LRRC4C: variants seen among roughly 807,000 people sequenced by gnomAD.
The protein encoded by LRRC4C is leucine rich repeat containing 4C.
In LRRC4C, 5 loss-of-function variants were observed where a neutral mutation model predicts 33.6. That is an observed-to-expected ratio of 0.15 (90% CI 0.08 to 0.31). LRRC4C has a LOEUF of 0.31. Ranked by LOEUF, LRRC4C falls within the 10% of genes least tolerant of loss-of-function variation. The probability of loss-of-function intolerance (pLI) is 1.00; values close to 1 mark genes in which losing one functional copy is unlikely to be tolerated. For synonymous variants in LRRC4C, 329 were observed against 302.0 expected (o/e 1.09, Z -0.93); for missense variants, 560 against 796.7 (o/e 0.70, Z 3.58).
chr11:41,424,658 A>T (rs1431191394), intron 1 of LRRC4C, among the ~76,000 whole-genome samples: 2 of 152,068 alleles, frequency 1.3e-5, no homozygotes, highest in African/African-American at 4.8e-5. Flanking sequence ...ATTTGACAGA[A>T]GATACCAATT....
intron 1 of LRRC4C, among the ~76,000 whole-genome samples, chr11:41,356,587 A>T (rs978274869): frequency 1.3e-5 from 2 of 152,100 alleles, no homozygotes; most frequent in Non-Finnish European, 2.9e-5. Context: ...TTCTAGTGCC[A>T]TTTTTGGCAT....
In LRRC4C at chr11:40,118,282, C is replaced by A. The variant is rs557884163; in HGVS notation, c.-42-1948G>T. Among the ~76,000 whole-genome samples, 220 of 150,042 alleles carry A rather than the reference C, an allele frequency of 1.5e-3. 1 individual carries two copies. Among genetic ancestry groups the A allele is most frequent in the African/African-American group, 5.0e-3 (207 of 41,114 alleles). On this transcript the variant is annotated intron_variant, in intron 6 of 6. Transcript: ENST00000528697. Reference sequence around the variant, plus strand: ...ATAAAATATTTTATTATAAAATAATCATATCTAACATTTATTGAGTTCTGA... The same window carrying A: ...ATAAAATATTTTATTATAAAATAATAATATCTAACATTTATTGAGTTCTGA...
intron 3 of LRRC4C, among the ~76,000 whole-genome samples, chr11:40,503,062 C>T (rs938398571): frequency 6.6e-6 from 1 of 152,144 alleles, no homozygotes; most frequent in Non-Finnish European, 1.5e-5. Context: ...AATACTCATG[C>T]TTTCCCCAAG....
chr11:41,028,157 C>T lies in LRRC4C; in HGVS notation c.-495-94434G>A, dbSNP rs184941781. 1.5e-4 allele frequency among the ~76,000 whole-genome samples: 22 copies of T among 151,220 alleles called. 1 individual carries two copies. In the East Asian group the frequency reaches 3.7e-3, roughly 25 times the overall value. Reference sequence around the variant, plus strand: ...ATGTCATTCTTTAAACTGGAAGGATCATCCATTTTTTTTTAAAGCTATATT... The same window carrying T: ...ATGTCATTCTTTAAACTGGAAGGATTATCCATTTTTTTTTAAAGCTATATT... On this transcript the variant is annotated intron_variant, in intron 1 of 6. Coordinates refer to ENST00000528697, the MANE Select transcript of LRRC4C (RefSeq NM_001258419.2).
At chr11:41,279,179 T>C (rs1029293847) in intron 1 of LRRC4C, among the ~76,000 whole-genome samples, 4 of 152,168 alleles carry the variant, frequency 2.6e-5, no homozygotes, top group African/African-American at 7.2e-5. Flanking sequence ...ATGATATATA[T>C]GCACCACATT....
chr11:40,987,641 A>ATATAT (rs1853120649), intron 1 of LRRC4C, among the ~76,000 whole-genome samples: 1 of 69,350 alleles, frequency 1.4e-5, no homozygotes, highest in African/African-American at 5.6e-5. Context: ...ATATATATAT[A>ATATAT]TATATATATA....
At chr11:41,260,486 G>A (rs1452352389) in intron 1 of LRRC4C, among the ~76,000 whole-genome samples, 1 of 152,018 alleles carries the variant, frequency 6.6e-6, no homozygotes, top group Admixed American at 6.6e-5. Context: ...TAATTTTCCA[G>A]TTAAGGATGC....
intron 1 of LRRC4C, among the ~76,000 whole-genome samples, chr11:41,036,582 GT>G (rs1857081364): frequency 6.6e-6 from 1 of 152,042 alleles, no homozygotes; most frequent in Non-Finnish European, 1.5e-5. Context: ...TTAGATTTTT[GT>G]TTCTCTTTGT....
intron 5 of LRRC4C, among the ~76,000 whole-genome samples, chr11:40,196,641 C>A (rs1862283988): frequency 6.6e-6 from 1 of 152,160 alleles, no homozygotes; most frequent in Non-Finnish European, 1.5e-5. Context: ...TTATTGAGTA[C>A]ATTTCTCATT....
chr11:41,199,848 CAA>C (rs1009427170), intron 1 of LRRC4C, among the ~76,000 whole-genome samples: 3 of 152,094 alleles, frequency 2.0e-5, no homozygotes, highest in Non-Finnish European at 4.4e-5. Context: ...ATCTCAGCCA[CAA>C]AGTCACCCCC....
At chr11:40,813,754 T>A (rs747902369) in intron 2 of LRRC4C, among the ~76,000 whole-genome samples, 11 of 152,144 alleles carry the variant, frequency 7.2e-5, no homozygotes, top group Non-Finnish European at 1.6e-4. Flanking sequence ...ATTGGATAAA[T>A]GCACCCATTC....
In LRRC4C at chr11:40,639,157, G is replaced by C. The variant is rs116679688; in HGVS notation, c.-270+8985C>G. On this transcript the variant is annotated intron_variant, in intron 3 of 6. Transcript: ENST00000528697. Reference sequence around the variant, plus strand: ...CCCCAAAAAGTAACACTTTGTTAAGGTTGTTGAAAAAAAAAAAAACTCTCT... The same window carrying C: ...CCCCAAAAAGTAACACTTTGTTAAGCTTGTTGAAAAAAAAAAAAACTCTCT... Among the ~76,000 whole-genome samples the C allele has an allele frequency of 1.8e-3, 249 of 140,172 alleles. 3 individuals are homozygous for C. The highest frequency in any genetic ancestry group is 7.0e-3 in the African/African-American group (245 of 34,766). The allele number at this position is 140,172 out of a possible 152,430, so 92.0% of individuals were successfully genotyped here. A position where few individuals can be genotyped will look rare whatever the true frequency, so the allele number is the denominator to read the frequency against.
chr11:40,422,287 C>T (rs1321274083), intron 3 of LRRC4C, among the ~76,000 whole-genome samples: 3 of 152,188 alleles, frequency 2.0e-5, no homozygotes, highest in South Asian at 2.1e-4. Flanking sequence ...AGAGGTAGAA[C>T]TTAGTGATCA....
At chr11:40,266,929 C>A (rs1341596633) in intron 4 of LRRC4C, among the ~76,000 whole-genome samples, 1 of 149,650 alleles carries the variant, frequency 6.7e-6, no homozygotes, top group Non-Finnish European at 1.5e-5. Context: ...TTGTTCTAAA[C>A]ACACACCACA....
chr11:40,353,246 T>C (rs936516917), intron 3 of LRRC4C, among the ~76,000 whole-genome samples: 33 of 152,070 alleles, frequency 2.2e-4, no homozygotes, highest in African/African-American at 8.0e-4. Flanking sequence ...TAGATTTTTG[T>C]AGTTGTAGTT....
At chr11:40,697,927 G>T (rs960454022) in intron 2 of LRRC4C, among the ~76,000 whole-genome samples, 1 of 151,916 alleles carries the variant, frequency 6.6e-6, no homozygotes, top group East Asian at 1.9e-4. Context: ...AATTAGCCAG[G>T]CATGGTGGCG....
chr11:40,998,261 TAA>T (rs3075559), intron 1 of LRRC4C, among the ~76,000 whole-genome samples: 1 of 149,168 alleles, frequency 6.7e-6, no homozygotes, highest in Admixed American at 6.7e-5. Flanking sequence ...TCCCAGAACT[TAA>T]AAAAAAAAAA....
At chr11:40,605,221 A>C (rs1179566543) in intron 3 of LRRC4C, among the ~76,000 whole-genome samples, 2 of 152,132 alleles carry the variant, frequency 1.3e-5, no homozygotes, top group African/African-American at 4.8e-5. Context: ...GATTTTTTTA[A>C]TGGGCTTAAA....
intron 5 of LRRC4C, among the ~76,000 whole-genome samples, chr11:40,222,788 A>G (rs981421085): frequency 4.6e-5 from 7 of 152,222 alleles, no homozygotes; most frequent in African/African-American, 1.7e-4. Context: ...AGCACCATGC[A>G]GGCTTAGAGT....
Sources: allele counts gnomAD v4.1 joint callset (sites outside exome capture counted in the v4.1 genomes callset), GRCh38; gene constraint gnomAD v4.1.1; transcripts MANE v1.5; gene names NCBI Gene and HGNC (gene_info 2026-07-23, HGNC 2026-07-21).